Variants in ITGA11 observed in about 807,000 individuals in gnomAD.
The protein encoded by ITGA11 is integrin subunit alpha 11.
Under a neutral mutation model 141.9 loss-of-function variants are expected in ITGA11, and 97 were observed. The ratio of observed to expected loss-of-function variants is 0.68; its 90% confidence interval spans 0.58 to 0.81. The LOEUF is 0.81. Ranked by LOEUF, ITGA11 falls within the 30% of genes least tolerant of loss-of-function variation. The pLI is 0.00. For missense variants in ITGA11, 1,387 were observed against 1,559.2 expected (o/e 0.89, Z 1.86); for synonymous variants, 658 against 624.6 (o/e 1.05, Z -0.80).
At chr15:68,345,492 C>G (rs923953356) in intron 10 of ITGA11, among the ~76,000 whole-genome samples, 4 of 152,210 alleles carry the variant, frequency 2.6e-5, no homozygotes, top group Admixed American at 6.5e-5. Context: ...TGTTTTTACC[C>G]TTGCTAATTC....
intron 22 of ITGA11, 71 bp downstream of exon 22, chr15:68,315,580 G>A: frequency 2.3e-6 from 3 of 1,307,870 alleles, no homozygotes; most frequent in Non-Finnish European, 3.3e-6. Context: ...GGGAGGAGCA[G>A]TTGCTAGCAG....
chr15:68,375,065 A>G (rs1895694236), intron 2 of ITGA11, among the ~76,000 whole-genome samples: 1 of 152,160 alleles, frequency 6.6e-6, no homozygotes, highest in South Asian at 2.1e-4. Context: ...CATTGTGAAG[A>G]AGTGGAAGGC....
chr15:68,420,541 T>C (rs566535160), intron 1 of ITGA11, among the ~76,000 whole-genome samples: 37 of 152,274 alleles, frequency 2.4e-4, no homozygotes, highest in African/African-American at 8.7e-4. Flanking sequence ...TGATAACAAG[T>C]GGACAGGGAA....
chr15:68,355,207 G>A (rs986026562), intron 7 of ITGA11, among the ~76,000 whole-genome samples: 2 of 152,132 alleles, frequency 1.3e-5, no homozygotes, highest in African/African-American at 2.4e-5. Flanking sequence ...TGGGAGTCTC[G>A]GGTCTCACCC....
chr15:68,411,192 T>A (rs76491591), intron 1 of ITGA11, among the ~76,000 whole-genome samples: 3,722 of 152,296 alleles, frequency 0.024, 132 homozygotes, highest in African/African-American at 0.079. Flanking sequence ...GACTGAGCAA[T>A]GTGAGGAGAA....
chr15:68,426,056 G>T (rs1332394822), intron 1 of ITGA11, among the ~76,000 whole-genome samples: 2 of 152,190 alleles, frequency 1.3e-5, no homozygotes, highest in Non-Finnish European at 2.9e-5. Flanking sequence ...TGGGGTAGGG[G>T]GTATCTGACC....
chr15:68,337,870 ACCTGGTATTT>A (rs1894418626), intron 11 of ITGA11, among the ~76,000 whole-genome samples: 1 of 152,078 alleles, frequency 6.6e-6, no homozygotes, highest in African/African-American at 2.4e-5. Context: ...TCCTGAAATA[ACCTGGTATTT>A]CCCACATGTT....
Position 68,418,264 on chromosome 15 carries a change from C to T in ITGA11, c.52+13751G>A, listed in dbSNP as rs114435907. On this transcript the variant is annotated intron_variant, in intron 1 of 29. Coordinates refer to ENST00000315757, the MANE Select transcript of ITGA11 (RefSeq NM_001004439.2). ...ATCTATATACATTTGTTAAATGAGA[C>T]GGAAAAAATGAATAGAAGTATTCAG... Among the ~76,000 whole-genome samples the T allele has an allele frequency of 1.2e-3, 178 of 152,156 alleles. 1 individual carries two copies. The highest frequency in any genetic ancestry group is 4.0e-3 in the African/African-American group (168 of 41,482).
At chr15:68,345,434 C>G (rs1386869979) in intron 10 of ITGA11, among the ~76,000 whole-genome samples, 1 of 152,106 alleles carries the variant, frequency 6.6e-6, no homozygotes, top group Non-Finnish European at 1.5e-5. Flanking sequence ...CAGGTGATGT[C>G]TTGGGGTCTC....
chr15:68,348,434 G>A (rs892560995), intron 10 of ITGA11, among the ~76,000 whole-genome samples: 2 of 152,226 alleles, frequency 1.3e-5, no homozygotes, highest in African/African-American at 4.8e-5. Context: ...CCTAGATTTT[G>A]CACAAGGCTC....
intron 1 of ITGA11, among the ~76,000 whole-genome samples, chr15:68,403,256 A>C (rs757111216): frequency 6.6e-6 from 1 of 151,898 alleles, no homozygotes; most frequent in Non-Finnish European, 1.5e-5. Flanking sequence ...GTCCTGGGGG[A>C]GCCTGATATG....
intron 1 of ITGA11, among the ~76,000 whole-genome samples, chr15:68,411,459 G>A (rs996003805): frequency 5.9e-5 from 9 of 152,188 alleles, no homozygotes; most frequent in African/African-American, 2.2e-4. Flanking sequence ...AGGAGACCAG[G>A]TATGCCAGAA....
chr15:68,364,876 C>T (rs1895367681), intron 3 of ITGA11, 78 bp from the exon 4 acceptor site: 15 of 1,368,422 alleles, frequency 1.1e-5, no homozygotes, highest in Non-Finnish European at 1.6e-5. Flanking sequence ...GGTCTGGTCA[C>T]CCGAGGTGCC....
intron 7 of ITGA11, among the ~76,000 whole-genome samples, chr15:68,356,619 AC>A (rs367642423): frequency 2.6e-4 from 39 of 152,188 alleles, no homozygotes; most frequent in African/African-American, 9.4e-4. Flanking sequence ...CTGCAAAATG[AC>A]CTCGCTGTTC....
At chr15:68,389,765 C>T (rs1026477764) in intron 2 of ITGA11, among the ~76,000 whole-genome samples, 3 of 152,148 alleles carry the variant, frequency 2.0e-5, no homozygotes, top group East Asian at 1.9e-4. Context: ...GGAGGAGAAA[C>T]GTTCTGCCTT....
At chr15:68,418,077 G>A (rs909024955) in intron 1 of ITGA11, among the ~76,000 whole-genome samples, 1 of 152,192 alleles carries the variant, frequency 6.6e-6, no homozygotes, top group Non-Finnish European at 1.5e-5. Flanking sequence ...TTGGCAGCTT[G>A]AAAACGACCA....
At chr15:68,430,675 G>A (rs567757465) in intron 1 of ITGA11, among the ~76,000 whole-genome samples, 20 of 152,196 alleles carry the variant, frequency 1.3e-4, no homozygotes, top group Non-Finnish European at 2.8e-4. Context: ...AATGGGCTTG[G>A]CCTCCTCCCG....
chr15:68,355,791 A>C (rs1166523337), intron 7 of ITGA11, among the ~76,000 whole-genome samples: 1 of 151,936 alleles, frequency 6.6e-6, no homozygotes, highest in Non-Finnish European at 1.5e-5. Flanking sequence ...AAAACACGTC[A>C]ACTAACCCTA....
intron 13 of ITGA11, 35 bp downstream of exon 13, chr15:68,332,302 CA>C: frequency 6.3e-7 from 1 of 1,578,020 alleles, no homozygotes; most frequent in African/African-American, 1.3e-5. Flanking sequence ...AGGTTGGGGG[CA>C]CCTGAGAAGC....
Sources: gnomAD v4.1 joint callset for allele counts (sites outside exome capture counted in the v4.1 genomes callset) on GRCh38, gnomAD v4.1.1 for gene constraint, MANE v1.5 for transcripts, NCBI Gene and HGNC (gene_info 2026-07-23, HGNC 2026-07-21) for gene names.